Variants in EIF2B3 observed in about 807,000 individuals in gnomAD.
EIF2B3 encodes translation initiation factor eIF2B subunit gamma.
A neutral mutation model predicts 54.1 loss-of-function variants in EIF2B3; 20 were observed. The observed-to-expected ratio is 0.37, with a 90% CI of 0.26 to 0.54. The LOEUF (loss-of-function observed/expected upper bound fraction) is 0.54. Ranked by LOEUF, EIF2B3 falls within the 20% of genes least tolerant of loss-of-function variation. The pLI, the probability that EIF2B3 is intolerant of heterozygous loss-of-function variation, is 0.86. For synonymous variants in EIF2B3, 153 were observed against 188.1 expected, an observed-to-expected ratio of 0.81 and a Z score of 1.52; for missense variants, 448 against 547.8, an observed-to-expected ratio of 0.82 and a Z score of 1.82.
chr1:44,959,044 C>T (rs1644256948), intron 3 of EIF2B3: 9 of 744,666 alleles, frequency 1.2e-5, no homozygotes, highest in Middle Eastern at 2.5e-4. Context: ...ATCTGAGAAA[C>T]TTATGGAACG....
rs976068786 is a variant in EIF2B3, at chr1:44,955,506, T to C, written c.295-13841A>G. Among the ~76,000 whole-genome samples, 12 of 152,134 alleles carry C rather than the reference T, an allele frequency of 7.9e-5. 1 individual carries two copies. The South Asian group carries it at 2.3e-3, about 29-fold the overall frequency. On this transcript the variant is annotated intron_variant, in intron 3 of 11. Transcript: ENST00000360403. ...AAAGCAATGGCAACAAAAGCCAAAA[T>C]TGACAAATGGAATCTAATTAAACTA... is the stretch of plus-strand genomic sequence containing the variant.
At chr1:44,940,339 T>G (rs1443633604) in intron 4 of EIF2B3, among the ~76,000 whole-genome samples, 1 of 151,884 alleles carries the variant, frequency 6.6e-6, no homozygotes, top group Non-Finnish European at 1.5e-5. Flanking sequence ...AGAGGAAAAC[T>G]TCAAGGAAAA....
chr1:44,934,270 C>T (rs542401930), intron 4 of EIF2B3, among the ~76,000 whole-genome samples: 4 of 141,270 alleles, frequency 2.8e-5, no homozygotes, highest in South Asian at 4.6e-4. Flanking sequence ...CAGTGGCAGG[C>T]GCCTGTAATC....
intron 4 of EIF2B3, among the ~76,000 whole-genome samples, chr1:44,928,105 C>T (rs1557689722): frequency 6.6e-6 from 1 of 151,766 alleles, no homozygotes; most frequent in Non-Finnish European, 1.5e-5. Flanking sequence ...TGAGCCATGA[C>T]TGCTGTACTG....
chr1:44,867,375 T>C (rs1654814568), intron 10 of EIF2B3, among the ~76,000 whole-genome samples: 1 of 152,092 alleles, frequency 6.6e-6, no homozygotes, highest in Non-Finnish European at 1.5e-5. Context: ...GGGCAGGAGC[T>C]TTCTCTGAAT....
At chr1:44,901,463 C>A (rs1246045204) in intron 5 of EIF2B3, among the ~76,000 whole-genome samples, 3 of 151,584 alleles carry the variant, frequency 2.0e-5, no homozygotes, top group Non-Finnish European at 4.4e-5. Context: ...GTTGCCCAGG[C>A]TCTTCTCAAA....
At position 44,952,851 on chromosome 1, in the gene EIF2B3, C is replaced by T. The variant is rs118090320; in HGVS notation, c.295-11186G>A. On this transcript the variant is annotated intron_variant, in intron 3 of 11. Coordinates refer to ENST00000360403, the MANE Select transcript of EIF2B3 (RefSeq NM_020365.5). ...ACAGGCATGAGCCACCACGCCTGGC[C>T]GTCCTTTCTCCAATTTAAGGGAAAC... 1.4e-4 allele frequency among the ~76,000 whole-genome samples: 21 copies of T among 152,220 alleles called. No homozygotes were observed. In the East Asian group the frequency reaches 3.1e-3, roughly 22 times the overall value.
intron 5 of EIF2B3, among the ~76,000 whole-genome samples, chr1:44,916,478 T>C (rs528550563): frequency 2.7e-5 from 4 of 149,866 alleles, no homozygotes; most frequent in African/African-American, 9.8e-5. Context: ...TCCTCCCACC[T>C]TGGCCTCCCA....
At chr1:44,888,631 G>T (rs1305418802) in intron 6 of EIF2B3, among the ~76,000 whole-genome samples, 1 of 150,780 alleles carries the variant, frequency 6.6e-6, no homozygotes, top group Non-Finnish European at 1.5e-5. Context: ...CTATGAATTT[G>T]TCTGTGTTGT....
intron 3 of EIF2B3, chr1:44,958,582 T>C: frequency 6.9e-7 from 1 of 1,448,668 alleles, no homozygotes; most frequent in Non-Finnish European, 9.6e-7. Flanking sequence ...GACATGCTAC[T>C]TTGTAATTAT....
intron 10 of EIF2B3, among the ~76,000 whole-genome samples, chr1:44,860,674 C>A (rs980888991): frequency 6.6e-6 from 1 of 152,102 alleles, no homozygotes; most frequent in African/African-American, 2.4e-5. Flanking sequence ...CTAGAAGAGA[C>A]CTAGAACTGC....
chr1:44,896,713 A>G (rs774013456), intron 6 of EIF2B3, among the ~76,000 whole-genome samples: 1 of 152,194 alleles, frequency 6.6e-6, no homozygotes, highest in Non-Finnish European at 1.5e-5. Flanking sequence ...CTTTTCTTAT[A>G]AAAAATCCTT....
chr1:44,932,127 A>G (rs1643901887), intron 4 of EIF2B3, among the ~76,000 whole-genome samples: 1 of 152,062 alleles, frequency 6.6e-6, no homozygotes. Flanking sequence ...ACACACACAC[A>G]CACACACACA....
intron 10 of EIF2B3, chr1:44,874,466 TTC>T: frequency 1.7e-6 from 1 of 576,540 alleles, no homozygotes; most frequent in Admixed American, 3.3e-5. Context: ...TTTCTGATCT[TTC>T]TCTGTTTGGT....
At chr1:44,943,197 A>T (rs1644056785) in intron 3 of EIF2B3, among the ~76,000 whole-genome samples, 1 of 150,892 alleles carries the variant, frequency 6.6e-6, no homozygotes, top group Non-Finnish European at 1.5e-5. Context: ...TAAAAAAAAA[A>T]TAGAGACAGG....
chr1:44,952,107 C>T lies in EIF2B3; in HGVS notation c.295-10442G>A, dbSNP rs568067921. 2.0e-4 allele frequency among the ~76,000 whole-genome samples: 27 copies of T among 136,158 alleles called. 2 individuals are homozygous for T. The highest frequency in any genetic ancestry group is 1.9e-3 in the Admixed American group (26 of 13,438). 89.3% of individuals were successfully genotyped at this position (136,158 alleles called of 152,430 possible). On this transcript the variant is annotated intron_variant, in intron 3 of 11. Transcript: ENST00000360403. Reference sequence around the variant, plus strand: ...CCTCCCAAGTAGCTGGGACTACAGGCGCCCGCCACTACGCCCGGCTAATTT... The same window carrying T: ...CCTCCCAAGTAGCTGGGACTACAGGTGCCCGCCACTACGCCCGGCTAATTT...
At chr1:44,920,504 C>T (rs1643717857) in intron 5 of EIF2B3, among the ~76,000 whole-genome samples, 1 of 151,984 alleles carries the variant, frequency 6.6e-6, no homozygotes, top group South Asian at 2.1e-4. Context: ...ATTTTTTGTA[C>T]CCATTAACCA....
chr1:44,851,891 A>G (rs1654281651), intron 11 of EIF2B3, among the ~76,000 whole-genome samples: 1 of 151,608 alleles, frequency 6.6e-6, no homozygotes. Context: ...ATCTTTGCCT[A>G]CCTCTCCAGC....
intron 4 of EIF2B3, among the ~76,000 whole-genome samples, chr1:44,929,817 A>G (rs1248581734): frequency 1.3e-5 from 2 of 152,234 alleles, no homozygotes; most frequent in African/African-American, 4.8e-5. Context: ...CACTTTAGTC[A>G]TTTTTCTCTC....
Sources: allele counts gnomAD v4.1 joint callset (sites outside exome capture counted in the v4.1 genomes callset), GRCh38; gene constraint gnomAD v4.1.1; transcripts MANE v1.5; gene names NCBI Gene and HGNC (gene_info 2026-07-23, HGNC 2026-07-21).